The following LIPI variants were observed in gnomAD, a reference collection of about 807,000 sequenced individuals.
LIPI encodes the protein lipase member I.
In LIPI, 59 loss-of-function variants were observed where a neutral mutation model predicts 50.6. That is an observed-to-expected ratio of 1.16 (90% CI 0.94 to 1.45). LIPI has a LOEUF of 1.45. Ranked by LOEUF, LIPI falls within the 40% of genes most tolerant of loss-of-function variation. The pLI is 0.00. For missense variants in LIPI, 586 were observed against 536.3 expected (o/e 1.09, Z -0.92); for synonymous variants, 203 against 178.2 (o/e 1.14, Z -1.11).
At chr21:14,167,990 C>T (rs1404698299) in intron 4 of LIPI, among the ~76,000 whole-genome samples, 1 of 152,084 alleles carries the variant, frequency 6.6e-6, no homozygotes, top group Non-Finnish European at 1.5e-5. Context: ...GAATGTATAA[C>T]TAGAATAAGC....
chr21:14,152,017 A>G (rs1250864097), intron 8 of LIPI, among the ~76,000 whole-genome samples: 3 of 151,960 alleles, frequency 2.0e-5, no homozygotes, highest in Non-Finnish European at 4.4e-5. Flanking sequence ...AAACACTCCA[A>G]TGAGAGTCAT....
Position 14,177,271 on chromosome 21 carries a change from A to C in LIPI, c.643+4487T>G, listed in dbSNP as rs73346057. On this transcript the variant is annotated intron_variant, in intron 4 of 9. Coordinates refer to ENST00000681601, the MANE Select transcript of LIPI (RefSeq NM_001302998.2). ...CTAATATAGATTTACCACCATTTGG[A>C]GGATAATATTTGCATATTTTTTATC... 7.7e-3 allele frequency among the ~76,000 whole-genome samples: 1,166 copies of C among 152,152 alleles called. 18 individuals carry two copies. Among genetic ancestry groups the C allele is most frequent in the African/African-American group, 0.026 (1,063 of 41,566 alleles).
chr21:14,134,451 C>T (rs76430290), intron 9 of LIPI, among the ~76,000 whole-genome samples: 4,157 of 151,990 alleles, frequency 0.027, 181 homozygotes, highest in African/African-American at 0.091. Flanking sequence ...ATCTAAAATT[C>T]GTATGGAATC....
At chr21:14,185,407 G>C (rs931358692) in intron 3 of LIPI, among the ~76,000 whole-genome samples, 1 of 152,116 alleles carries the variant, frequency 6.6e-6, no homozygotes, top group Non-Finnish European at 1.5e-5. Flanking sequence ...TTAAAATTTA[G>C]CTGGGACTGC....
intron 6 of LIPI, among the ~76,000 whole-genome samples, chr21:14,164,273 A>G (rs779459529): frequency 6.6e-6 from 1 of 152,098 alleles, no homozygotes; most frequent in Non-Finnish European, 1.5e-5. Context: ...TGTGATTTAT[A>G]TATTCACTCT....
At chr21:14,148,188 A>G (rs1238379578) in intron 8 of LIPI, among the ~76,000 whole-genome samples, 3 of 152,206 alleles carry the variant, frequency 2.0e-5, no homozygotes, top group Non-Finnish European at 2.9e-5. Context: ...AGGGGCATGT[A>G]CAAGAAGGAG....
intron 7 of LIPI, among the ~76,000 whole-genome samples, chr21:14,162,582 G>A (rs1307672559): frequency 6.6e-6 from 1 of 151,840 alleles, no homozygotes; most frequent in Admixed American, 6.6e-5. Context: ...CAGTATCTCT[G>A]TGTATGATTT....
intron 6 of LIPI, among the ~76,000 whole-genome samples, chr21:14,164,937 A>G (rs1277468114): frequency 6.6e-6 from 1 of 152,188 alleles, no homozygotes; most frequent in Non-Finnish European, 1.5e-5. Flanking sequence ...ATAGTTAGAT[A>G]TTTTTGTACA....
At chr21:14,184,550 A>C (rs571177566) in intron 3 of LIPI, among the ~76,000 whole-genome samples, 2 of 152,292 alleles carry the variant, frequency 1.3e-5, no homozygotes, top group East Asian at 3.9e-4. Flanking sequence ...AATGTTTTTC[A>C]TTTCAAAAAC....
intron 1 of LIPI, among the ~76,000 whole-genome samples, chr21:14,199,370 G>T (rs2019971114): frequency 1.3e-5 from 2 of 151,672 alleles, no homozygotes; most frequent in Non-Finnish European, 2.9e-5. Flanking sequence ...AAGAAGAAAA[G>T]GAGGAGAGTC....
intron 1 of LIPI, among the ~76,000 whole-genome samples, chr21:14,207,107 C>T (rs911511635): frequency 6.6e-6 from 1 of 152,112 alleles, no homozygotes; most frequent in Non-Finnish European, 1.5e-5. Flanking sequence ...ATGTTAAAAT[C>T]CCTGAATGCT....
chr21:14,189,501 G>A, intron 1 of LIPI, 82 bp from the exon 2 acceptor site: 2 of 1,271,226 alleles, frequency 1.6e-6, no homozygotes, highest in Non-Finnish European at 2.3e-6. Flanking sequence ...AGAATTAAAT[G>A]TGGAGGGTAG....
chr21:14,148,713 G>A (rs2017990075), intron 8 of LIPI, among the ~76,000 whole-genome samples: 1 of 152,140 alleles, frequency 6.6e-6, no homozygotes. Context: ...TCCAAGCAAT[G>A]ACAGAATCAC....
At chr21:14,197,114 A>C (rs936653074) in intron 1 of LIPI, among the ~76,000 whole-genome samples, 10 of 151,722 alleles carry the variant, frequency 6.6e-5, no homozygotes, top group African/African-American at 2.4e-4. Context: ...AAAATTCCCA[A>C]ATCACAAAAA....
chr21:14,114,536 G>T (rs2016547919), intron 9 of LIPI, among the ~76,000 whole-genome samples: 1 of 152,184 alleles, frequency 6.6e-6, no homozygotes, highest in Non-Finnish European at 1.5e-5. Flanking sequence ...CAAGGCTTAG[G>T]CAGGAAGCCA....
intron 7 of LIPI, among the ~76,000 whole-genome samples, chr21:14,160,835 C>T (rs1274119097): frequency 6.6e-6 from 1 of 151,020 alleles, no homozygotes; most frequent in Admixed American, 6.6e-5. Flanking sequence ...CCAAAAGACA[C>T]GAATACACAT....
chr21:14,121,667 C>G (rs2016867320), intron 9 of LIPI, among the ~76,000 whole-genome samples: 1 of 152,094 alleles, frequency 6.6e-6, no homozygotes, highest in Admixed American at 6.5e-5. Context: ...TATGGGATGG[C>G]CCCCATATTG....
chr21:14,141,457 C>T (rs1318706248), intron 9 of LIPI, among the ~76,000 whole-genome samples: 1 of 151,784 alleles, frequency 6.6e-6, no homozygotes, highest in Non-Finnish European at 1.5e-5. Flanking sequence ...ACTCTTCACT[C>T]GTTCTTATAT....
intron 9 of LIPI, among the ~76,000 whole-genome samples, chr21:14,119,237 G>C (rs1195322024): frequency 2.0e-5 from 3 of 152,104 alleles, no homozygotes; most frequent in Non-Finnish European, 4.4e-5. Context: ...ACTCCACCTA[G>C]CGACCCATGT....
Sources: allele counts gnomAD v4.1 joint callset (sites outside exome capture counted in the v4.1 genomes callset), GRCh38; gene constraint gnomAD v4.1.1; transcripts MANE v1.5; gene names NCBI Gene and HGNC (gene_info 2026-07-23, HGNC 2026-07-21).